The following FRMPD4 variants were observed in gnomAD, a reference collection of about 807,000 sequenced individuals.
FRMPD4 encodes FERM and PDZ domain-containing protein 4.
Under a neutral mutation model 94.1 loss-of-function variants are expected in FRMPD4, and 22 were observed. The observed-to-expected ratio is 0.23, with a 90% CI of 0.17 to 0.33. FRMPD4 has a LOEUF of 0.33. FRMPD4 is among the 10% of genes least tolerant of loss of function. The probability of loss-of-function intolerance (pLI) is 1.00; values close to 1 mark genes in which losing one functional copy is unlikely to be tolerated. For synonymous variants in FRMPD4, 631 were observed against 548.6 expected, an observed-to-expected ratio of 1.15 and a Z score of -2.10; for missense variants, 1,111 against 1,339.9, an observed-to-expected ratio of 0.83 and a Z score of 2.67.
intron 3 of FRMPD4, among the ~76,000 whole-genome samples, chrX:12,019,391 G>A (rs1325454118): frequency 9.4e-6 from 1 of 106,559 alleles, no homozygotes; most frequent in Non-Finnish European, 1.9e-5. Context: ...TTTCTAACCA[G>A]TGTCTCTCTC....
intron 1 of FRMPD4, among the ~76,000 whole-genome samples, chrX:12,189,762 G>A (rs1001486586): frequency 1.3e-4 from 15 of 111,347 alleles, no homozygotes; most frequent in African/African-American, 4.6e-4. Flanking sequence ...CATAAAAAAC[G>A]TACAGCTAAC....
At chrX:12,479,844 C>G (rs980843291) in intron 1 of FRMPD4, among the ~76,000 whole-genome samples, 1 of 110,038 alleles carries the variant, frequency 9.1e-6, no homozygotes, top group Non-Finnish European at 1.9e-5. Flanking sequence ...TAACTTTACC[C>G]TCTGGGGTGG....
intron 1 of FRMPD4, among the ~76,000 whole-genome samples, chrX:12,465,185 G>T (rs772063531): frequency 9.0e-6 from 1 of 111,696 alleles, no homozygotes; most frequent in East Asian, 2.8e-4. Context: ...ACACTGTCCT[G>T]TACTCAAACT....
chrX:12,273,392 A>G (rs773011731), intron 1 of FRMPD4, among the ~76,000 whole-genome samples: 12 of 112,442 alleles, frequency 1.1e-4, no homozygotes, highest in Non-Finnish European at 1.9e-4. Flanking sequence ...GACTTTTTTA[A>G]GCACTTACGG....
At chrX:12,402,908 G>T (rs185923691) in intron 1 of FRMPD4, among the ~76,000 whole-genome samples, 141 of 112,010 alleles carry the variant, frequency 1.3e-3, no homozygotes, top group Non-Finnish European at 1.9e-3. Context: ...CTTGGTCTTG[G>T]ACTTCCTAGC....
At chrX:12,329,767 T>C (rs763593241) in intron 1 of FRMPD4, among the ~76,000 whole-genome samples, 1 of 107,699 alleles carries the variant, frequency 9.3e-6, no homozygotes, top group South Asian at 4.2e-4. Flanking sequence ...TGAATCTCTT[T>C]CGTTATAATC....
At chrX:12,617,299 A>G (rs902764344) in intron 4 of FRMPD4, among the ~76,000 whole-genome samples, 1 of 112,478 alleles carries the variant, frequency 8.9e-6, no homozygotes, top group African/African-American at 3.2e-5. Context: ...TTCAGATTTT[A>G]GTATCCATAA....
chrX:12,652,199 T>C (rs886119073), intron 4 of FRMPD4, among the ~76,000 whole-genome samples: 2 of 112,021 alleles, frequency 1.8e-5, no homozygotes, highest in African/African-American at 6.5e-5. Flanking sequence ...ATCCTCCCCG[T>C]CTTCTTCTCT....
chrX:12,716,445 T>C lies in FRMPD4; in HGVS notation c.1986T>C (p.Asp662=). 4.1e-6 allele frequency: 5 copies of C among 1,209,204 alleles called. No homozygotes were observed. The highest frequency in any genetic ancestry group is 2.2e-6 in the Non-Finnish European group (2 of 893,777). Residue 662 remains aspartate, a synonymous_variant, in exon 15 of 17, where the codon GAT becomes GAC. Transcript: ENST00000675598. Reference sequence around the variant, plus strand: ...TTTTTGGAGACTTCGCCTTGGATGATGGTATTAGTCCCCCAACCCTTGGCT... The same window carrying C: ...TTTTTGGAGACTTCGCCTTGGATGACGGTATTAGTCCCCCAACCCTTGGCT... ...SFIFGDFALD[D]GISPPTLGYE...
At chrX:12,372,052 T>C (rs1167930618) in intron 1 of FRMPD4, among the ~76,000 whole-genome samples, 1 of 112,385 alleles carries the variant, frequency 8.9e-6, no homozygotes, top group Non-Finnish European at 1.9e-5. Context: ...ACATGTAGAA[T>C]GGTAGCTTCT....
intron 1 of FRMPD4, among the ~76,000 whole-genome samples, chrX:12,280,007 G>C (rs1189861386): frequency 9.0e-6 from 1 of 110,777 alleles, no homozygotes; most frequent in Non-Finnish European, 1.9e-5. Flanking sequence ...ACTTCATAAG[G>C]TTGCTGGCAA....
At chrX:12,308,988 C>A (rs2054988814) in intron 1 of FRMPD4, among the ~76,000 whole-genome samples, 1 of 112,545 alleles carries the variant, frequency 8.9e-6, no homozygotes, top group South Asian at 3.7e-4. Context: ...CTGAGATATT[C>A]CCTCCCTGGA....
chrX:12,030,179 T>C (rs2054683352), intron 3 of FRMPD4, among the ~76,000 whole-genome samples: 1 of 112,234 alleles, frequency 8.9e-6, no homozygotes, highest in African/African-American at 3.2e-5. Flanking sequence ...GGCATCCTGG[T>C]AGGAGAATGC....
intron 1 of FRMPD4, among the ~76,000 whole-genome samples, chrX:12,345,104 G>T (rs974804288): frequency 9.1e-5 from 9 of 99,302 alleles, no homozygotes; most frequent in Non-Finnish European, 1.6e-4. Context: ...ATGGATGGAT[G>T]GATGGATGAA....
chrX:11,825,013 A>G (rs1298773374), intron 1 of FRMPD4, among the ~76,000 whole-genome samples: 1 of 111,232 alleles, frequency 9.0e-6, no homozygotes, highest in Non-Finnish European at 1.9e-5. Flanking sequence ...ATACCTTTAC[A>G]TGTTTCTTCT....
At chrX:12,640,848 A>G (rs1308579335) in intron 4 of FRMPD4, among the ~76,000 whole-genome samples, 1 of 111,481 alleles carries the variant, frequency 9.0e-6, no homozygotes, top group Non-Finnish European at 1.9e-5. Context: ...AAGTCTATGT[A>G]TACCTTCCAC....
intron 1 of FRMPD4, among the ~76,000 whole-genome samples, chrX:12,432,478 C>T (rs924122085): frequency 1.8e-5 from 2 of 112,075 alleles, no homozygotes; most frequent in Non-Finnish European, 3.8e-5. Flanking sequence ...GAGCCACAGT[C>T]ATCTCAGGGT....
intron 1 of FRMPD4, among the ~76,000 whole-genome samples, chrX:12,309,629 C>G (rs1468167988): frequency 8.9e-6 from 1 of 112,202 alleles, no homozygotes; most frequent in African/African-American, 3.2e-5. Context: ...CCATTGTATA[C>G]CTAACTCCTA....
At chrX:11,972,813 C>G (rs2054347583) in intron 3 of FRMPD4, among the ~76,000 whole-genome samples, 1 of 111,975 alleles carries the variant, frequency 8.9e-6, no homozygotes, top group East Asian at 2.8e-4. Flanking sequence ...TATTCCATAC[C>G]CAGAAAAATT....
Sources: allele counts gnomAD v4.1 joint callset (sites outside exome capture counted in the v4.1 genomes callset), GRCh38; gene constraint gnomAD v4.1.1; transcripts MANE v1.5; gene names NCBI Gene and HGNC (gene_info 2026-07-23, HGNC 2026-07-21).